KCNK12: variants seen among roughly 807,000 people sequenced by gnomAD.
KCNK12 encodes potassium channel subfamily K member 12.
Under a neutral mutation model 25.3 loss-of-function variants are expected in KCNK12, and 6 were observed. That is an observed-to-expected ratio of 0.24 (90% CI 0.13 to 0.47). KCNK12 has a LOEUF of 0.47. Among genes scored for constraint, KCNK12 ranks in the 20% least tolerant of loss-of-function variants. The probability of loss-of-function intolerance (pLI) is 0.99; values close to 1 mark genes in which losing one functional copy is unlikely to be tolerated. For synonymous variants in KCNK12, 331 were observed against 311.1 expected (o/e 1.06, Z -0.67); for missense variants, 444 against 661.7 (o/e 0.67, Z 3.61).
At chr2:47,537,590 A>C (rs1324284474) in intron 1 of KCNK12, among the ~76,000 whole-genome samples, 3 of 152,144 alleles carry the variant, frequency 2.0e-5, no homozygotes, top group Non-Finnish European at 4.4e-5. Context: ...CGGTCTCCCA[A>C]AGTGCTGGGA....
In KCNK12 at chr2:47,551,047, C is replaced by G. The variant is rs923964382; in HGVS notation, c.391+18894G>C. 6.6e-6 allele frequency among the ~76,000 whole-genome samples: 1 copy of G among 152,104 alleles called. No individual in the cohort carries two copies. The highest frequency in any genetic ancestry group is 1.5e-5 in the Non-Finnish European group (1 of 68,028). The stretch of plus-strand genomic sequence containing the variant: ...TCTAATCATGCTTCTTCTCAAAATC[C>G]TCCCGTGGCTCCCCATTTCACTCAG... On this transcript the variant is annotated intron_variant, in intron 1 of 1. Transcript: ENST00000327876. The surrounding 1 kb of genome is among the most constrained non-coding windows in gnomAD (Gnocchi z 5.3).
In KCNK12 at chr2:47,570,389, C is replaced by T. The variant is rs1185612577; in HGVS notation, c.-58G>A. On this transcript the variant is annotated 5_prime_UTR_variant, in exon 1 of 2. Coordinates refer to ENST00000327876, the MANE Select transcript of KCNK12 (RefSeq NM_022055.2). ...GCTCGGGGCCCGGGCCACGACATCC[C>T]CCCGGCGGGAGCAGGAGCGTGAGGA... 1 of 1,211,972 alleles carries T rather than the reference C, an allele frequency of 8.3e-7. No homozygotes were observed. Among genetic ancestry groups the T allele is most frequent in the Non-Finnish European group, 1.0e-6 (1 of 976,396 alleles). 75.1% of individuals were successfully genotyped at this position (1,211,972 alleles called of 1,614,324 possible). A position where few individuals can be genotyped will look rare whatever the true frequency, so the allele number is the denominator to read the frequency against.
intron 1 of KCNK12, among the ~76,000 whole-genome samples, chr2:47,558,387 T>C (rs1391877350): frequency 6.6e-6 from 1 of 152,234 alleles, no homozygotes; most frequent in Non-Finnish European, 1.5e-5. Context: ...TGCCTGCCAC[T>C]GAGGCTGCCA....
rs776394330 is a variant in KCNK12 at position 47,514,221 on chromosome 2, G to A, written c.*6686C>T. Among the ~76,000 whole-genome samples, 1 of 152,216 alleles carries A rather than the reference G, an allele frequency of 6.6e-6. No homozygotes were observed. The highest frequency in any genetic ancestry group is 2.4e-5 in the African/African-American group (1 of 41,448). On this transcript the variant is annotated 3_prime_UTR_variant, in exon 2 of 2. Transcript: ENST00000327876. This position sits in a 1 kb window ranked among gnomAD's most constrained non-coding sequence, Gnocchi z 5.0. ...GCTCTCAGGCTCAGCATGGACAGCTGCTTCTGAGAGCCTTCTCTGCCTACC... is the reference window on the plus strand; with the variant it reads ...GCTCTCAGGCTCAGCATGGACAGCTACTTCTGAGAGCCTTCTCTGCCTACC...
intron 1 of KCNK12, among the ~76,000 whole-genome samples, chr2:47,522,818 T>G (rs866073759): frequency 6.6e-6 from 1 of 152,208 alleles, no homozygotes; most frequent in African/African-American, 2.4e-5. Flanking sequence ...CCCAGATGAC[T>G]CCAAAGTCTT....
chr2:47,546,297 G>A (rs999717426), intron 1 of KCNK12, among the ~76,000 whole-genome samples: 1 of 152,218 alleles, frequency 6.6e-6, no homozygotes, highest in Admixed American at 6.5e-5. Flanking sequence ...TGATGAAGAT[G>A]CACTTAAAAG....
chr2:47,530,885 T>G (rs574041497), intron 1 of KCNK12, among the ~76,000 whole-genome samples: 3 of 152,110 alleles, frequency 2.0e-5, no homozygotes, highest in South Asian at 4.1e-4. Context: ...GTTCAGTAAC[T>G]TGCCCAAGAT....
At position 47,551,975 on chromosome 2, in the gene KCNK12, C is replaced by A. The variant is rs1373398150; in HGVS notation, c.391+17966G>T. Reference sequence around the variant, plus strand: ...GCCTCCTCCTGAAGGGCCTGCATCACCTCCTTCCTTCTTGTTTGGCCCTGG... The same window carrying A: ...GCCTCCTCCTGAAGGGCCTGCATCAACTCCTTCCTTCTTGTTTGGCCCTGG... On this transcript the variant is annotated intron_variant, in intron 1 of 1. Coordinates refer to ENST00000327876, the MANE Select transcript of KCNK12 (RefSeq NM_022055.2). This position sits in a 1 kb window ranked among gnomAD's most constrained non-coding sequence, Gnocchi z 5.3. 6.6e-6 allele frequency among the ~76,000 whole-genome samples: 1 copy of A among 152,152 alleles called. No individual in the cohort carries two copies. The highest frequency in any genetic ancestry group is 2.4e-5 in the African/African-American group (1 of 41,444).
chr2:47,570,304 G>T lies in KCNK12; in HGVS notation c.28C>A (p.Pro10Thr). The change falls in exon 1 of 2, where the codon CCC becomes ACC. Residue 10 changes from proline to threonine, a missense_variant. Pro to Thr is a conservative substitution (Grantham distance 38). Transcript: ENST00000327876. MSSRSPRPPPRRSRRRLPRP... is the reference protein window; with the variant it reads MSSRSPRPPTRRSRRRLPRP... ...GGCAGGCGGCGGCGGCTACGGCGGG[G>T]CGGGGGCCGGGGGCTGCGGGAGGAC... is the stretch of plus-strand genomic sequence containing the variant. The T allele has an allele frequency of 7.4e-7, 1 of 1,355,268 alleles. No homozygotes were observed. Among genetic ancestry groups the T allele is most frequent in the South Asian group, 1.7e-5 (1 of 58,150 alleles). The allele number at this position is 1,355,268 out of a possible 1,614,324, so 84.0% of individuals were successfully genotyped here.
Position 47,557,177 on chromosome 2 carries a change from T to C in KCNK12, c.391+12764A>G, listed in dbSNP as rs1290017322. 3.3e-5 allele frequency among the ~76,000 whole-genome samples: 5 copies of C among 152,198 alleles called. No individual in the cohort carries two copies. The highest frequency in any genetic ancestry group is 7.2e-5 in the African/African-American group (3 of 41,436). On this transcript the variant is annotated intron_variant, in intron 1 of 1. Coordinates refer to ENST00000327876, the MANE Select transcript of KCNK12 (RefSeq NM_022055.2). The surrounding 1 kb of genome is among the most constrained non-coding windows in gnomAD (Gnocchi z 4.9). The stretch of plus-strand genomic sequence containing the variant: ...AAATCCAATGGCTATTGTAAGACTT[T>C]TAAGAGGTGAGAACTTTAAGAGGTG...
In KCNK12 at chr2:47,529,439, T is replaced by C. The variant is rs953574603; in HGVS notation, c.392-7631A>G. The stretch of plus-strand genomic sequence containing the variant: ...TAATAAGGTATTCCAGATGACCCTA[T>C]TGGTTGGAATCTGTCCAACTACAAA... On this transcript the variant is annotated intron_variant, in intron 1 of 1. Coordinates refer to ENST00000327876, the MANE Select transcript of KCNK12 (RefSeq NM_022055.2). This position sits in a 1 kb window ranked among gnomAD's most constrained non-coding sequence, Gnocchi z 4.3. 6.6e-6 allele frequency among the ~76,000 whole-genome samples: 1 copy of C among 152,224 alleles called. No individual in the cohort carries two copies. The highest frequency in any genetic ancestry group is 2.4e-5 in the African/African-American group (1 of 41,458).
intron 1 of KCNK12, among the ~76,000 whole-genome samples, chr2:47,542,183 T>C (rs1251615363): frequency 6.6e-6 from 1 of 152,192 alleles, no homozygotes; most frequent in Non-Finnish European, 1.5e-5. Context: ...CAGGTTCTCA[T>C]CATACCACTT....
Position 47,512,506 on chromosome 2 carries a change from C to T in KCNK12, c.*8401G>A. 2.0e-6 allele frequency: 3 copies of T among 1,463,424 alleles called. No homozygotes were observed. Among genetic ancestry groups the T allele is most frequent in the South Asian group, 1.4e-5 (1 of 73,102 alleles). 90.7% of individuals were successfully genotyped at this position (1,463,424 alleles called of 1,614,324 possible). A position where few individuals can be genotyped will look rare whatever the true frequency, so the allele number is the denominator to read the frequency against. Reference sequence around the variant, plus strand: ...CAAACATCCCTTCTGTAAACATTTCCCTCAAAATGGAGCAGGAAGCTCTCA... The same window carrying T: ...CAAACATCCCTTCTGTAAACATTTCTCTCAAAATGGAGCAGGAAGCTCTCA... On this transcript the variant is annotated 3_prime_UTR_variant, in exon 2 of 2. Coordinates refer to ENST00000327876, the MANE Select transcript of KCNK12 (RefSeq NM_022055.2).
chr2:47,550,264 TA>T (rs1367268963), intron 1 of KCNK12, among the ~76,000 whole-genome samples: 1 of 150,914 alleles, frequency 6.6e-6, no homozygotes, highest in African/African-American at 2.4e-5. Flanking sequence ...CAAAGGAAAC[TA>T]CACAAAGGCA....
chr2:47,522,979 A>G (rs1668692245), intron 1 of KCNK12, among the ~76,000 whole-genome samples: 1 of 152,226 alleles, frequency 6.6e-6, no homozygotes, highest in Non-Finnish European at 1.5e-5. Context: ...CCTACTAACT[A>G]AAGGACCCCA....
chr2:47,551,749 G>C lies in KCNK12; in HGVS notation c.391+18192C>G, dbSNP rs1460448692. 6.6e-6 allele frequency among the ~76,000 whole-genome samples: 1 copy of C among 152,222 alleles called. No homozygotes were observed. The highest frequency in any genetic ancestry group is 1.5e-5 in the Non-Finnish European group (1 of 68,044). On this transcript the variant is annotated intron_variant, in intron 1 of 1. Transcript: ENST00000327876. This position sits in a 1 kb window ranked among gnomAD's most constrained non-coding sequence, Gnocchi z 5.3. Reference sequence around the variant, plus strand: ...ATAAAAATATTTTGGTGCTAGTCCTGGGGAAGGCAGATTATTGGTTTAAGA... The same window carrying C: ...ATAAAAATATTTTGGTGCTAGTCCTCGGGAAGGCAGATTATTGGTTTAAGA...
intron 1 of KCNK12, chr2:47,564,121 G>C: frequency 8.6e-6 from 2 of 231,938 alleles, no homozygotes; most frequent in Admixed American, 1.1e-4. Flanking sequence ...TTGTTCGGGA[G>C]GCAGCTCACC....
intron 1 of KCNK12, among the ~76,000 whole-genome samples, chr2:47,544,163 C>T (rs1239458403): frequency 6.6e-6 from 1 of 152,240 alleles, no homozygotes; most frequent in Non-Finnish European, 1.5e-5. Context: ...GACACACAGA[C>T]ACACGAGCAC....
Position 47,569,015 on chromosome 2 carries a change from G to C in KCNK12, c.391+926C>G, listed in dbSNP as rs1477883714. Among the ~76,000 whole-genome samples the C allele has an allele frequency of 6.6e-6, 1 of 152,110 alleles. No homozygotes were observed. The highest frequency in any genetic ancestry group is 2.4e-5 in the African/African-American group (1 of 41,408). On this transcript the variant is annotated intron_variant, in intron 1 of 1. Transcript: ENST00000327876. The surrounding 1 kb of genome is among the most constrained non-coding windows in gnomAD (Gnocchi z 4.1). ...GAGGAGAGGAAGAAAGAGGAATGAA[G>C]GGGTGGATGGAGAGCAGGGGTGGCT...
Sources: gnomAD v4.1 joint callset for allele counts (sites outside exome capture counted in the v4.1 genomes callset) on GRCh38, gnomAD v4.1.1 for gene constraint, Gnocchi (gnomAD v3.1) non-coding constraint, MANE v1.5 for transcripts, NCBI Gene and HGNC (gene_info 2026-07-23, HGNC 2026-07-21) for gene names.